Variants in FRMD4A observed in about 807,000 individuals in gnomAD.
FRMD4A encodes the protein FERM domain-containing protein 4A.
In FRMD4A, 29 loss-of-function variants were observed where a neutral mutation model predicts 129.1. The ratio of observed to expected loss-of-function variants is 0.22; its 90% CI spans 0.17 to 0.31. The LOEUF (loss-of-function observed/expected upper bound fraction) is 0.31, where lower values mean the gene tolerates loss of function less well. Ranked by LOEUF, FRMD4A falls within the 10% of genes least tolerant of loss-of-function variation. The pLI is 1.00. For missense variants in FRMD4A, 1,272 were observed against 1,375.8 expected (o/e 0.92, Z 1.19); for synonymous variants, 634 against 571.6 (o/e 1.11, Z -1.56).
At chr10:13,787,472 T>C (rs2092895928) in intron 5 of FRMD4A, among the ~76,000 whole-genome samples, 2 of 152,152 alleles carry the variant, frequency 1.3e-5, no homozygotes, top group South Asian at 4.1e-4. Flanking sequence ...TTTCTTTTTT[T>C]TCTTTTTGAG....
At chr10:14,092,169 T>C (rs1588956413) in intron 2 of FRMD4A, among the ~76,000 whole-genome samples, 1 of 138,170 alleles carries the variant, frequency 7.2e-6, no homozygotes, top group African/African-American at 2.7e-5. Context: ...GTCAGGCAGG[T>C]TTCTTAGGTC....
Position 13,813,417 on chromosome 10 carries a change from G to A in FRMD4A, c.112-2509C>T, listed in dbSNP as rs181259427. On this transcript the variant is annotated intron_variant, in intron 3 of 24. Transcript: ENST00000357447. ...GATCACGTCACTGCACTCCAGCCTTGGCAACAGAGCGAGACTGTCTCAAAA... is the reference window on the plus strand; with the variant it reads ...GATCACGTCACTGCACTCCAGCCTTAGCAACAGAGCGAGACTGTCTCAAAA... 2.2e-4 allele frequency among the ~76,000 whole-genome samples: 33 copies of A among 152,326 alleles called. No homozygotes were observed. The East Asian group carries it at 6.4e-3, about 29-fold the overall frequency.
chr10:14,011,586 GC>G (rs2095682581), intron 2 of FRMD4A, among the ~76,000 whole-genome samples: 1 of 152,186 alleles, frequency 6.6e-6, no homozygotes, highest in South Asian at 2.1e-4. Flanking sequence ...TGTGGAAATA[GC>G]CATATAGGCA....
chr10:13,769,290 C>T (rs2092385500), intron 6 of FRMD4A, among the ~76,000 whole-genome samples: 1 of 150,464 alleles, frequency 6.6e-6, no homozygotes, highest in Non-Finnish European at 1.5e-5. Context: ...TATGTGTCAA[C>T]TTGACAGGCC....
intron 2 of FRMD4A, among the ~76,000 whole-genome samples, chr10:14,085,321 G>A (rs555816596): frequency 7.2e-5 from 11 of 152,310 alleles, no homozygotes; most frequent in African/African-American, 2.2e-4. Context: ...AAAATGCCAC[G>A]GCAGATGCGC....
chr10:13,931,630 G>A (rs1002814721), intron 2 of FRMD4A, among the ~76,000 whole-genome samples: 26 of 152,126 alleles, frequency 1.7e-4, no homozygotes, highest in African/African-American at 5.8e-4. Flanking sequence ...GCCTTTTCTT[G>A]AGGGAGTTAA....
intron 15 of FRMD4A, chr10:13,693,613 C>T (rs537425171): frequency 2.7e-5 from 20 of 753,626 alleles, no homozygotes; most frequent in South Asian, 7.2e-5. Flanking sequence ...GATTGTGAAA[C>T]GCTCTGGGGG....
At chr10:14,312,838 C>A (rs1006371323) in intron 2 of FRMD4A, among the ~76,000 whole-genome samples, 4 of 152,016 alleles carry the variant, frequency 2.6e-5, no homozygotes, top group Non-Finnish European at 5.9e-5. Context: ...TGCACTCTAG[C>A]TTGGGCAACA....
At chr10:14,156,253 A>G (rs1262530694) in intron 2 of FRMD4A, among the ~76,000 whole-genome samples, 1 of 152,202 alleles carries the variant, frequency 6.6e-6, no homozygotes, top group Non-Finnish European at 1.5e-5. Context: ...GTGAATTACA[A>G]CAATACACAC....
intron 5 of FRMD4A, among the ~76,000 whole-genome samples, chr10:13,785,991 T>C (rs1431291171): frequency 6.6e-6 from 1 of 152,258 alleles, no homozygotes; most frequent in African/African-American, 2.4e-5. Flanking sequence ...ATGGTGTATA[T>C]GTGCCACATT....
intron 2 of FRMD4A, among the ~76,000 whole-genome samples, chr10:13,975,433 G>A (rs572612340): frequency 1.3e-5 from 2 of 151,992 alleles, no homozygotes; most frequent in African/African-American, 2.4e-5. Flanking sequence ...GTGCGTATGT[G>A]TGTCTCATGT....
intron 2 of FRMD4A, among the ~76,000 whole-genome samples, chr10:14,236,861 C>A (rs1304553432): frequency 1.3e-5 from 2 of 151,854 alleles, no homozygotes; most frequent in Non-Finnish European, 2.9e-5. Flanking sequence ...CCTGAGTGAC[C>A]CTGGTTCTGT....
At chr10:14,037,014 A>G (rs918499791) in intron 2 of FRMD4A, among the ~76,000 whole-genome samples, 4 of 152,212 alleles carry the variant, frequency 2.6e-5, no homozygotes, top group African/African-American at 9.7e-5. Flanking sequence ...GCAGAAACAA[A>G]AAGTTAATTT....
chr10:14,025,489 C>A (rs1201289772), intron 2 of FRMD4A, among the ~76,000 whole-genome samples: 1 of 152,148 alleles, frequency 6.6e-6, no homozygotes, highest in Non-Finnish European at 1.5e-5. Flanking sequence ...CTGGGATGGA[C>A]AAGGGATCAG....
rs1564971053 is a variant in FRMD4A, at chr10:13,884,168, T to TCTCA, written c.46-25257_46-25256insTGAG. ...CTCTCACACACTCTCACACACACAC[T>TCTCA]CACACACTCACACACACACACACAC... On this transcript the variant is annotated intron_variant, in intron 2 of 24. Coordinates refer to ENST00000357447, the MANE Select transcript of FRMD4A (RefSeq NM_018027.5). Among the ~76,000 whole-genome samples, 13 of 67,490 alleles carry TCTCA rather than the reference T, an allele frequency of 1.9e-4. 1 individual carries two copies. The highest frequency in any genetic ancestry group is 3.7e-4 in the Non-Finnish European group (12 of 32,796). 44.3% of individuals were successfully genotyped at this position (67,490 alleles called of 152,430 possible). A position where few individuals can be genotyped will look rare whatever the true frequency, so the allele number is the denominator to read the frequency against.
At position 14,130,408 on chromosome 10, in the gene FRMD4A, A is replaced by G. The variant is rs189617935; in HGVS notation, c.45+199650T>C. Among the ~76,000 whole-genome samples, 48 of 152,190 alleles carry G rather than the reference A, an allele frequency of 3.2e-4. No individual in the cohort carries two copies. The East Asian group carries it at 9.1e-3, about 29-fold the overall frequency. On this transcript the variant is annotated intron_variant, in intron 2 of 24. Coordinates refer to ENST00000357447, the MANE Select transcript of FRMD4A (RefSeq NM_018027.5). ...CCCAAGTAGCTGGGACTGCAGGTGC[A>G]TGCCACAATGTCAGGCTAATTAAAA...
rs781172951 is a variant in FRMD4A at position 13,796,473 on chromosome 10, G to T, written c.299+23C>A. 16 of 1,157,436 alleles carry T rather than the reference G, an allele frequency of 1.4e-5. No individual in the cohort carries two copies. In the Admixed American group the frequency reaches 2.6e-4, roughly 18 times the overall value. 71.7% of individuals were successfully genotyped at this position (1,157,436 alleles called of 1,614,324 possible). A position where few individuals can be genotyped will look rare whatever the true frequency, so the allele number is the denominator to read the frequency against. On this transcript the variant is annotated intron_variant, in intron 5 of 24. Transcript: ENST00000357447. ...TGATAAAGAACACAAAGAAGCAAAA[G>T]TATAGACACCAGGTGTACATACCTG...
rs1281180604 is a variant in FRMD4A at position 13,666,292 on chromosome 10, C to T, written c.1408G>A (p.Ala470Thr). ...GCCTCCGTAATCTGGGACTGAATGG[C>T]AAACTCTCGTTCCAGGCGTTCCAGC... ...AELERLEREF[A>T]IQSQITEAAR... The change falls in exon 18 of 25, where the codon GCC becomes ACC. Residue 470 changes from alanine (A) to threonine (T), a missense_variant. This residue lies in a region of FRMD4A where 972 missense variants were observed against 892.3 expected (regional missense o/e 1.09). Coordinates refer to ENST00000357447, the MANE Select transcript of FRMD4A (RefSeq NM_018027.5). The T allele has an allele frequency of 5.6e-6, 9 of 1,614,018 alleles. No homozygotes were observed. The highest frequency in any genetic ancestry group is 7.6e-6 in the Non-Finnish European group (9 of 1,179,910).
At chr10:13,904,452 A>G (rs894366946) in intron 2 of FRMD4A, among the ~76,000 whole-genome samples, 4 of 151,998 alleles carry the variant, frequency 2.6e-5, no homozygotes, top group African/African-American at 9.7e-5. Flanking sequence ...GCGCATCTCT[A>G]TGCTCAGCAC....
Sources: allele counts gnomAD v4.1 joint callset (sites outside exome capture counted in the v4.1 genomes callset), GRCh38; gene constraint gnomAD v4.1.1; regional missense constraint gnomAD v4.1.1; transcripts MANE v1.5; gene names NCBI Gene and HGNC (gene_info 2026-07-23, HGNC 2026-07-21).